The following MELK variants were observed in gnomAD, a reference collection of about 807,000 sequenced individuals.
The protein encoded by MELK is pEg3 kinase.
A neutral mutation model predicts 85.0 loss-of-function variants in MELK; 81 were observed. That is an observed-to-expected ratio of 0.95 (90% CI 0.80 to 1.15). The LOEUF (loss-of-function observed/expected upper bound fraction) is 1.15, where lower values mean the gene tolerates loss of function less well. Ranked by LOEUF, MELK falls within the 50% of genes most tolerant of loss-of-function variation. The probability of loss-of-function intolerance (pLI) is 0.00; values close to 1 mark genes in which losing one functional copy is unlikely to be tolerated. For synonymous variants in MELK, 252 were observed against 265.0 expected, an observed-to-expected ratio of 0.95 and a Z score of 0.48; for missense variants, 754 against 777.5, an observed-to-expected ratio of 0.97 and a Z score of 0.36.
At chr9:36,675,941 A>C (rs942945483) in intron 17 of MELK, among the ~76,000 whole-genome samples, 2 of 152,212 alleles carry the variant, frequency 1.3e-5, no homozygotes, top group Admixed American at 1.3e-4. Context: ...AATGTTGGCA[A>C]GCATTCCTTC....
chr9:36,574,859 G>A (rs1322492811), intron 1 of MELK, among the ~76,000 whole-genome samples: 4 of 151,898 alleles, frequency 2.6e-5, no homozygotes, highest in African/African-American at 4.8e-5. Flanking sequence ...ATTATAGGCC[G>A]GGCGCGGTGG....
intron 3 of MELK, among the ~76,000 whole-genome samples, chr9:36,588,622 G>A (rs903987060): frequency 2.6e-5 from 4 of 151,960 alleles, no homozygotes; most frequent in African/African-American, 7.3e-5. Flanking sequence ...CAGGTAGTCC[G>A]CCCACCTTAG....
intron 8 of MELK, among the ~76,000 whole-genome samples, chr9:36,615,787 T>C (rs1046662456): frequency 6.8e-6 from 1 of 147,864 alleles, no homozygotes; most frequent in African/African-American, 2.5e-5. Flanking sequence ...CCTCACTTCC[T>C]AGATGTGATG....
intron 10 of MELK, among the ~76,000 whole-genome samples, chr9:36,636,788 C>CTGTG (rs1829234259): frequency 8.0e-6 from 1 of 125,372 alleles, no homozygotes; most frequent in Non-Finnish European, 1.7e-5. Context: ...TTCTTTCTGT[C>CTGTG]TGTCTTTCTT....
intron 6 of MELK, among the ~76,000 whole-genome samples, chr9:36,599,172 G>A (rs532550359): frequency 2.0e-5 from 3 of 151,928 alleles, no homozygotes; most frequent in South Asian, 2.1e-4. Flanking sequence ...GGCACGCTGC[G>A]TGCCTGTAAT....
chr9:36,636,096 C>CT (rs1227254056), intron 10 of MELK, among the ~76,000 whole-genome samples: 2 of 151,972 alleles, frequency 1.3e-5, no homozygotes, highest in Non-Finnish European at 1.5e-5. Context: ...CTTAAAAATG[C>CT]TTTTTTTCAA....
At chr9:36,590,649 T>C (rs1049231206) in intron 4 of MELK, among the ~76,000 whole-genome samples, 1 of 152,366 alleles carries the variant, frequency 6.6e-6, no homozygotes. Flanking sequence ...AAGTTTTAAC[T>C]TGCCATTTTT....
rs768103782 is a variant in MELK, at chr9:36,633,153, A to G, written c.787A>G (p.Ile263Val). The G allele has an allele frequency of 1.9e-6, 3 of 1,610,662 alleles. No individual in the cohort carries two copies. The highest frequency in any genetic ancestry group is 1.1e-5 in the South Asian group (1 of 89,820). ...GAAAAATCTATTGAACCATCCCTGG[A>G]TCATGCAAGATTACAACTATCCTGT... ...SMKNLLNHPW[I>V]MQDYNYPVEW... The change falls in exon 10 of 18, where the codon ATC (isoleucine) becomes GTC (valine). Residue 263 changes from isoleucine to valine, a missense_variant. Transcript: ENST00000298048.
At chr9:36,657,507 G>A (rs1831370879) in intron 13 of MELK, 144 bp downstream of exon 13, 4 of 856,460 alleles carry the variant, frequency 4.7e-6, no homozygotes, top group Non-Finnish European at 5.1e-6. Context: ...ACTGGAATAC[G>A]AATGAAAGGG....
chr9:36,608,469 A>G (rs994564553), intron 8 of MELK, among the ~76,000 whole-genome samples: 5 of 152,014 alleles, frequency 3.3e-5, no homozygotes, highest in South Asian at 2.1e-4. Flanking sequence ...GTTCATTGCT[A>G]TCCGTGGTTT....
At chr9:36,590,022 C>T (rs1012624315) in intron 4 of MELK, among the ~76,000 whole-genome samples, 12 of 150,664 alleles carry the variant, frequency 8.0e-5, no homozygotes, top group African/African-American at 2.5e-4. Flanking sequence ...CCCGAGTTCA[C>T]GCCATTCTCC....
At chr9:36,621,206 A>C (rs548397876) in intron 8 of MELK, among the ~76,000 whole-genome samples, 1 of 133,824 alleles carries the variant, frequency 7.5e-6, no homozygotes, top group South Asian at 2.6e-4. Context: ...TGGGAGGCGG[A>C]GGTTGCCATG....
rs559887717 is a variant in MELK at position 36,581,587 on chromosome 9, T to A, written c.-38-57T>A. 38 of 853,958 alleles carry A rather than the reference T, an allele frequency of 4.4e-5. No homozygotes were observed. In the South Asian group the frequency reaches 5.8e-4, roughly 13 times the overall value. The allele number at this position is 853,958 out of a possible 1,614,324, so 52.9% of individuals were successfully genotyped here. A position where few individuals can be genotyped will look rare whatever the true frequency, so the allele number is the denominator to read the frequency against. ...TTATTTAGATTTGCAGTTACAAGAA[T>A]GGAGGAGATGATCCGGTATTATTTC... On this transcript the variant is annotated intron_variant, in intron 1 of 17. Transcript: ENST00000298048.
In MELK at chr9:36,669,417, G is replaced by A; in HGVS notation, c.1505+11G>A. On this transcript the variant is annotated intron_variant, in intron 15 of 17. Coordinates refer to ENST00000298048, the MANE Select transcript of MELK (RefSeq NM_014791.4). ...TAGCCCTGAGAGGCGGTAAGTGTTT[G>A]GTTTTTTTAGACTCTAATCTTTAGT... 1 of 1,558,948 alleles carries A rather than the reference G, an allele frequency of 6.4e-7. No homozygotes were observed. Among genetic ancestry groups the A allele is most frequent in the South Asian group, 1.2e-5 (1 of 84,232 alleles).
At chr9:36,602,158 T>C (rs534908453) in intron 7 of MELK, among the ~76,000 whole-genome samples, 21 of 152,234 alleles carry the variant, frequency 1.4e-4, no homozygotes, top group African/African-American at 5.1e-4. Flanking sequence ...CTGTTTTCCA[T>C]AGTGAGTGCA....
chr9:36,675,848 A>G (rs927616444), intron 17 of MELK, among the ~76,000 whole-genome samples: 2 of 152,248 alleles, frequency 1.3e-5, no homozygotes, highest in African/African-American at 2.4e-5. Context: ...GGATTTAAAC[A>G]TGTAAATAGA....
chr9:36,627,461 C>T (rs1828049274), intron 8 of MELK, among the ~76,000 whole-genome samples: 1 of 151,102 alleles, frequency 6.6e-6, no homozygotes, highest in South Asian at 2.1e-4. Context: ...AATATTATTA[C>T]ATTTTTATTC....
intron 8 of MELK, among the ~76,000 whole-genome samples, chr9:36,624,527 G>A (rs906299249): frequency 2.0e-5 from 3 of 152,102 alleles, no homozygotes; most frequent in African/African-American, 7.2e-5. Flanking sequence ...TCATTCACTT[G>A]TTTTCTCTGC....
chr9:36,578,146 G>A (rs1437746636), intron 1 of MELK, among the ~76,000 whole-genome samples: 3 of 152,028 alleles, frequency 2.0e-5, no homozygotes, highest in Non-Finnish European at 4.4e-5. Flanking sequence ...GAAGACCTTA[G>A]CTATCTATGT....
Sources: allele counts gnomAD v4.1 joint callset (sites outside exome capture counted in the v4.1 genomes callset), GRCh38; gene constraint gnomAD v4.1.1; transcripts MANE v1.5; gene names NCBI Gene and HGNC (gene_info 2026-07-23, HGNC 2026-07-21).